The following PRR16 variants were observed in gnomAD, a reference collection of about 807,000 sequenced individuals.
PRR16 encodes the protein proline rich 16, also known as protein Largen.
A neutral mutation model predicts 18.2 loss-of-function variants in PRR16; 6 were observed. The ratio of observed to expected loss-of-function variants is 0.33; its 90% confidence interval spans 0.18 to 0.65. The LOEUF (loss-of-function observed/expected upper bound fraction) is 0.65. PRR16 is among the 30% of genes least tolerant of loss of function. The probability of loss-of-function intolerance (pLI) is 0.74; values close to 1 mark genes in which losing one functional copy is unlikely to be tolerated. For synonymous variants in PRR16, 151 were observed against 147.8 expected (o/e 1.02, Z -0.16); for missense variants, 412 against 376.6 (o/e 1.09, Z -0.78).
At chr5:120,550,239 A>AT in intron 1 of PRR16, among the ~76,000 whole-genome samples, 1 of 152,056 alleles carries the variant, frequency 6.6e-6, no homozygotes, top group East Asian at 1.9e-4. Context: ...ACATCCCAAC[A>AT]TTTTTTGAGA....
intron 1 of PRR16, among the ~76,000 whole-genome samples, chr5:120,595,268 G>C (rs780124920): frequency 2.0e-5 from 3 of 151,902 alleles, no homozygotes; most frequent in African/African-American, 7.3e-5. Flanking sequence ...TCATTAAAAA[G>C]TGGGCAAATA....
At chr5:120,668,486 A>G (rs565408344) in intron 1 of PRR16, among the ~76,000 whole-genome samples, 123 of 151,774 alleles carry the variant, frequency 8.1e-4, no homozygotes, top group African/African-American at 2.8e-3. Context: ...TGTGAATTTG[A>G]TCCTGTCATT....
intron 1 of PRR16, among the ~76,000 whole-genome samples, chr5:120,487,726 A>G (rs986677105): frequency 1.3e-5 from 2 of 152,126 alleles, no homozygotes; most frequent in Non-Finnish European, 2.9e-5. Flanking sequence ...GTCTTGTGCC[A>G]GTTTTCAAAG....
At chr5:120,689,757 T>A (rs1245780124), downstream of PRR16, among the ~76,000 whole-genome samples, 2 of 148,678 alleles carry the variant, frequency 1.3e-5, no homozygotes, top group East Asian at 3.9e-4. Context: ...CAGGGTGTTT[T>A]GGTTTTTTTT....
At chr5:120,600,630 A>G (rs1367217741) in intron 1 of PRR16, among the ~76,000 whole-genome samples, 1 of 151,738 alleles carries the variant, frequency 6.6e-6, no homozygotes, top group African/African-American at 2.4e-5. Flanking sequence ...ATAAGGGAAA[A>G]TTATGTGTTT....
intron 1 of PRR16, among the ~76,000 whole-genome samples, chr5:120,664,069 C>G (rs942879604): frequency 6.6e-6 from 1 of 152,024 alleles, no homozygotes; most frequent in African/African-American, 2.4e-5. Context: ...GAGGCCGAGG[C>G]GGGCAGATCA....
At chr5:120,786,974 G>A in the PRR16 span, among the ~76,000 whole-genome samples, 1 of 152,076 alleles carries the variant, frequency 6.6e-6, no homozygotes, top group Non-Finnish European at 1.5e-5. Context: ...TCCAAAAAGT[G>A]AGTAAAACTT....
intron 1 of PRR16, among the ~76,000 whole-genome samples, chr5:120,669,624 A>T (rs1178104594): frequency 2.0e-5 from 3 of 152,120 alleles, no homozygotes; most frequent in South Asian, 2.1e-4. Flanking sequence ...AAAACATTTT[A>T]TTCAAACTTA....
At chr5:120,739,547 CA>C in the PRR16 span, among the ~76,000 whole-genome samples, 1 of 151,962 alleles carries the variant, frequency 6.6e-6, no homozygotes, top group Non-Finnish European at 1.5e-5. Context: ...AAATTGGGAC[CA>C]AAATGAGTTA....
chr5:120,710,434 T>A, the PRR16 span, among the ~76,000 whole-genome samples: 4 of 152,244 alleles, frequency 2.6e-5, no homozygotes, highest in African/African-American at 7.2e-5. Context: ...TATGGGGGCA[T>A]GTGACAAGCA....
chr5:120,735,990 T>C, the PRR16 span, among the ~76,000 whole-genome samples: 4 of 152,188 alleles, frequency 2.6e-5, no homozygotes, highest in African/African-American at 9.6e-5. Context: ...AATTAATTTG[T>C]GTACACCATG....
At chr5:120,680,586 A>G (rs1004055518) in intron 1 of PRR16, among the ~76,000 whole-genome samples, 14 of 152,166 alleles carry the variant, frequency 9.2e-5, no homozygotes, top group African/African-American at 2.4e-4. Flanking sequence ...GAATTGCCAC[A>G]AAGTGTGTAC....
the PRR16 span, among the ~76,000 whole-genome samples, chr5:120,727,236 T>C: frequency 6.6e-6 from 1 of 152,064 alleles, no homozygotes; most frequent in Admixed American, 6.6e-5. Context: ...GATTCTGTAC[T>C]TGTCTCCCTT....
downstream of PRR16, among the ~76,000 whole-genome samples, chr5:120,691,394 G>T (rs1757207553): frequency 6.6e-6 from 1 of 152,190 alleles, no homozygotes; most frequent in Admixed American, 6.5e-5. Context: ...CATCTAAAAT[G>T]AATCAGCTGC....
chr5:120,675,710 T>G (rs1411444858), intron 1 of PRR16, among the ~76,000 whole-genome samples: 1 of 152,206 alleles, frequency 6.6e-6, no homozygotes, highest in Non-Finnish European at 1.5e-5. Context: ...AGAAACTTAT[T>G]TTTTATCTTC....
At chr5:120,580,647 AG>A (rs1723268188) in intron 1 of PRR16, among the ~76,000 whole-genome samples, 1 of 151,454 alleles carries the variant, frequency 6.6e-6, no homozygotes, top group Non-Finnish European at 1.5e-5. Context: ...AGTAGAGATG[AG>A]GTTTCACTGT....
At chr5:120,486,807 T>G (rs1372654573) in intron 1 of PRR16, among the ~76,000 whole-genome samples, 1 of 152,178 alleles carries the variant, frequency 6.6e-6, no homozygotes, top group African/African-American at 2.4e-5. Flanking sequence ...TTAATCCATC[T>G]CGAATTAATT....
the PRR16 span, among the ~76,000 whole-genome samples, chr5:120,741,883 G>C: frequency 6.6e-6 from 1 of 152,206 alleles, no homozygotes; most frequent in Non-Finnish European, 1.5e-5. Context: ...TTGCAGGCAT[G>C]AGCCACCGCA....
chr5:120,600,060 A>C (rs1172234206), intron 1 of PRR16, among the ~76,000 whole-genome samples: 2 of 151,892 alleles, frequency 1.3e-5, no homozygotes, highest in African/African-American at 4.8e-5. Flanking sequence ...TCTGAAGCAT[A>C]ACACTTCTGA....
Sources: gnomAD v4.1 joint callset for allele counts (sites outside exome capture counted in the v4.1 genomes callset) on GRCh38, gnomAD v4.1.1 for gene constraint, MANE v1.5 for transcripts, NCBI Gene and HGNC (gene_info 2026-07-23, HGNC 2026-07-21) for gene names.